Variants in CFH observed in about 807,000 individuals in gnomAD.
CFH encodes complement factor H, also known as H factor 1 (complement).
CFH carries 53 observed loss-of-function variants against 147.3 expected under a neutral mutation model. The observed-to-expected ratio is 0.36, with a 90% CI of 0.29 to 0.45. The LOEUF (loss-of-function observed/expected upper bound fraction) is 0.45. Among genes scored for constraint, CFH ranks in the 20% least tolerant of loss-of-function variants. CFH has a pLI of 1.00. For synonymous variants in CFH, 536 were observed against 489.4 expected (o/e 1.10, Z -1.26); for missense variants, 1,380 against 1,498.0 (o/e 0.92, Z 1.30).
chr1:196,717,218 C>T (rs1313950373), intron 11 of CFH, among the ~76,000 whole-genome samples: 1 of 152,006 alleles, frequency 6.6e-6, no homozygotes, highest in Non-Finnish European at 1.5e-5. Context: ...GCTTGCTGGG[C>T]ATGTATCTTT....
chr1:196,680,755 T>G (rs1488788994), intron 6 of CFH, among the ~76,000 whole-genome samples: 1 of 151,858 alleles, frequency 6.6e-6, no homozygotes, highest in Admixed American at 6.6e-5. Context: ...AATCCCATGA[T>G]TCATAAATAC....
chr1:196,703,821 AAAAATAC>A (rs907973821), intron 9 of CFH, among the ~76,000 whole-genome samples: 3 of 151,596 alleles, frequency 2.0e-5, no homozygotes, highest in African/African-American at 7.3e-5. Context: ...CGTCTCTGCT[AAAAATAC>A]AAAAAATTAG....
intron 11 of CFH, among the ~76,000 whole-genome samples, chr1:196,723,454 G>A (rs537650875): frequency 4.6e-5 from 7 of 152,124 alleles, no homozygotes; most frequent in African/African-American, 1.2e-4. Flanking sequence ...GGAGGACTAC[G>A]CAGAAAACTA....
chr1:196,705,876 T>A (rs1045537696), intron 9 of CFH, among the ~76,000 whole-genome samples: 2 of 152,198 alleles, frequency 1.3e-5, no homozygotes, highest in Non-Finnish European at 2.9e-5. Flanking sequence ...TCCTGGATAA[T>A]CCTAGTGTTA....
chr1:196,747,261 G>C lies in CFH; in HGVS notation c.3644G>C (p.Arg1215Pro). 6.2e-7 allele frequency: 1 copy of C among 1,613,958 alleles called. No individual in the cohort carries two copies. Among genetic ancestry groups the C allele is most frequent in the Non-Finnish European group, 8.5e-7 (1 of 1,179,934 alleles). Residue 1215 changes from arginine to proline, a missense_variant, in exon 22 of 22, where the codon CGA (arginine) becomes CCA (proline). By Grantham distance (103) the Arg-to-Pro change is moderately radical. Coordinates refer to ENST00000367429, the MANE Select transcript of CFH (RefSeq NM_000186.4). Reference protein sequence around the residue: ...YRLSSRSHTLRTTCWDGKLEY... With the variant: ...YRLSSRSHTLPTTCWDGKLEY... ...CTTTCATCACGTTCTCACACATTGC[G>C]AACAACATGTTGGGATGGGAAACTG...
intron 20 of CFH, among the ~76,000 whole-genome samples, chr1:196,745,116 G>T (rs540713169): frequency 1.3e-5 from 2 of 152,060 alleles, no homozygotes; most frequent in Non-Finnish European, 2.9e-5. Context: ...TTTTTTTAAA[G>T]TAGTTTTATT....
intron 1 of CFH, among the ~76,000 whole-genome samples, chr1:196,665,509 T>A (rs1445683789): frequency 6.6e-6 from 1 of 151,992 alleles, no homozygotes; most frequent in African/African-American, 2.4e-5. Context: ...AACCTAACTC[T>A]TTAGTCTACC....
At chr1:196,726,368 G>T in intron 12 of CFH, 102 bp from the exon 13 acceptor site, 1 of 882,992 alleles carries the variant, frequency 1.1e-6, no homozygotes, top group Non-Finnish European at 1.8e-6. Flanking sequence ...GTTACATAAT[G>T]AAGAATACAT....
intron 14 of CFH, 104 bp from the exon 15 acceptor site, chr1:196,728,239 GTCA>G: frequency 1.2e-6 from 1 of 801,770 alleles, no homozygotes; most frequent in South Asian, 2.3e-5. Context: ...TAATGATTAA[GTCA>G]TAATTTTACC....
At chr1:196,706,660 T>C (rs911513141) in intron 9 of CFH, among the ~76,000 whole-genome samples, 5 of 152,188 alleles carry the variant, frequency 3.3e-5, no homozygotes, top group African/African-American at 9.6e-5. Context: ...AACACATACA[T>C]GATACCACAC....
intron 9 of CFH, among the ~76,000 whole-genome samples, chr1:196,710,558 T>C (rs1668702571): frequency 6.6e-6 from 1 of 152,184 alleles, no homozygotes; most frequent in Non-Finnish European, 1.5e-5. Context: ...ACTTCTCTTA[T>C]CTTTTGAAGA....
intron 11 of CFH, among the ~76,000 whole-genome samples, chr1:196,720,084 A>G (rs1668964275): frequency 6.6e-6 from 1 of 151,886 alleles, no homozygotes; most frequent in African/African-American, 2.4e-5. Context: ...TATGTCAGTC[A>G]TCAAGAATTA....
intron 9 of CFH, chr1:196,700,736 A>C (rs1361222889): frequency 1.4e-6 from 1 of 702,890 alleles, no homozygotes; most frequent in African/African-American, 1.9e-5. Context: ...CAGTGCCCCC[A>C]TGCCACTGGG....
intron 1 of CFH, among the ~76,000 whole-genome samples, chr1:196,665,896 C>T (rs547953211): frequency 2.6e-4 from 40 of 152,290 alleles, no homozygotes; most frequent in South Asian, 2.1e-3. Flanking sequence ...CGTGAGCCAC[C>T]GCACCCGGCC....
chr1:196,740,942 A>G, intron 18 of CFH, 150 bp downstream of exon 18: 1 of 799,134 alleles, frequency 1.3e-6, no homozygotes, highest in East Asian at 2.7e-5. Context: ...AGCTGTAGTA[A>G]TTAAAACATT....
intron 9 of CFH, 88 bp downstream of exon 9, chr1:196,690,327 G>C (rs1667982490): frequency 6.4e-7 from 1 of 1,574,520 alleles, no homozygotes. Flanking sequence ...ATTAATTGTG[G>C]CAAAATGTTT....
chr1:196,746,649 A>ATG (rs138827321), intron 21 of CFH, among the ~76,000 whole-genome samples: 2,190 of 151,886 alleles, frequency 0.014, 56 homozygotes, highest in African/African-American at 0.049. Context: ...GTGTGTGAGT[A>ATG]TGTGTGTGTG....
intron 16 of CFH, 150 bp from the exon 17 acceptor site, chr1:196,737,325 T>G (rs1272020172): frequency 9.2e-6 from 6 of 649,130 alleles, no homozygotes; most frequent in Non-Finnish European, 1.6e-5. Flanking sequence ...GAGGAATATA[T>G]CTTTGCGAGT....
intron 9 of CFH, among the ~76,000 whole-genome samples, chr1:196,710,160 T>A (rs963206577): frequency 1.3e-5 from 2 of 152,064 alleles, no homozygotes; most frequent in Non-Finnish European, 2.9e-5. Flanking sequence ...CCCTGACCAA[T>A]TGACAACCCA....
Sources: gnomAD v4.1 joint callset for allele counts (sites outside exome capture counted in the v4.1 genomes callset) on GRCh38, gnomAD v4.1.1 for gene constraint, MANE v1.5 for transcripts, NCBI Gene and HGNC (gene_info 2026-07-23, HGNC 2026-07-21) for gene names.